The following SMC2 variants were observed in gnomAD, a reference collection of about 807,000 sequenced individuals.
The protein encoded by SMC2 is structural maintenance of chromosomes protein 2.
A neutral mutation model predicts 142.6 loss-of-function variants in SMC2; 41 were observed. That is an observed-to-expected ratio of 0.29 (90% confidence interval 0.22 to 0.37). The LOEUF is 0.37. Ranked by LOEUF, SMC2 falls within the 10% of genes least tolerant of loss-of-function variation. The pLI is 1.00. For synonymous variants in SMC2, 463 were observed against 457.5 expected (o/e 1.01, Z -0.15); for missense variants, 1,265 against 1,373.7 (o/e 0.92, Z 1.25).
chr9:104,115,924 T>A (rs1026171876), intron 13 of SMC2, among the ~76,000 whole-genome samples: 7 of 152,030 alleles, frequency 4.6e-5, no homozygotes, highest in African/African-American at 7.2e-5. Flanking sequence ...CTTTTTTTTT[T>A]AAAAGATTCC....
At chr9:104,125,309 A>G (rs1834145523) in intron 18 of SMC2, among the ~76,000 whole-genome samples, 1 of 152,066 alleles carries the variant, frequency 6.6e-6, no homozygotes, top group Admixed American at 6.5e-5. Context: ...CAAATTAGAA[A>G]CTTTTTGAGT....
intron 23 of SMC2, among the ~76,000 whole-genome samples, chr9:104,135,296 C>T (rs1204145269): frequency 6.6e-6 from 1 of 151,774 alleles, no homozygotes; most frequent in African/African-American, 2.4e-5. Context: ...ATTAAGTGAA[C>T]TTTCTAGAGA....
chr9:104,102,311 A>G lies in SMC2; in HGVS notation c.871-113A>G, dbSNP rs1014467408. On this transcript the variant is annotated intron_variant, in intron 8 of 24. Coordinates refer to ENST00000374793, the MANE Select transcript of SMC2 (RefSeq NM_006444.3). ...TTCCGTATTGATTTGTTAATCTTATAGTAAGATAATGAAATAACTTATAAA... is the reference window on the plus strand; with the variant it reads ...TTCCGTATTGATTTGTTAATCTTATGGTAAGATAATGAAATAACTTATAAA... The G allele has an allele frequency of 3.6e-6, 4 of 1,113,128 alleles. No homozygotes were observed. The African/African-American group carries it at 6.4e-5, about 18-fold the overall frequency. The allele number at this position is 1,113,128 out of a possible 1,614,324, so 69.0% of individuals were successfully genotyped here. A position where few individuals can be genotyped will look rare whatever the true frequency, so the allele number is the denominator to read the frequency against.
intron 17 of SMC2, among the ~76,000 whole-genome samples, 198 bp from the exon 18 acceptor site, chr9:104,124,714 T>C (rs991336436): frequency 6.6e-6 from 1 of 152,188 alleles, no homozygotes; most frequent in African/African-American, 2.4e-5. Flanking sequence ...ATTATTTTGT[T>C]ACAGATCTTT....
At chr9:104,097,389 A>G (rs2131286205) in intron 3 of SMC2, among the ~76,000 whole-genome samples, 1 of 147,028 alleles carries the variant, frequency 6.8e-6, no homozygotes, top group East Asian at 1.9e-4. Flanking sequence ...TACAGGTGTG[A>G]GCCACGGCGC....
chr9:104,107,528 T>C lies in SMC2; in HGVS notation c.1021-4053T>C, dbSNP rs574234543. On this transcript the variant is annotated intron_variant, in intron 9 of 24. Transcript: ENST00000374793. ...GGCCTGCTACTGCAAAGTCCGCTGT[T>C]CAAAGTTGGCAGCTTTGTTGGTCAC... Among the ~76,000 whole-genome samples the C allele has an allele frequency of 1.7e-4, 26 of 151,072 alleles. No individual in the cohort carries two copies. The South Asian group carries it at 5.4e-3, about 31-fold the overall frequency.
intron 11 of SMC2, among the ~76,000 whole-genome samples, chr9:104,113,729 C>T (rs1330709512): frequency 1.3e-5 from 2 of 152,094 alleles, no homozygotes; most frequent in Admixed American, 1.3e-4. Context: ...TGTATTTCTA[C>T]ATTAGGCATT....
intron 23 of SMC2, among the ~76,000 whole-genome samples, chr9:104,137,407 G>A (rs180840063): frequency 6.6e-6 from 1 of 152,228 alleles, no homozygotes; most frequent in Non-Finnish European, 1.5e-5. Context: ...AAATAGTGCT[G>A]TGGAACCTGA....
chr9:104,111,783 A>G lies in SMC2; in HGVS notation c.1223A>G (p.Asp408Gly). ...GGTCAAATGATGGCCTGTAAAAATGATATAAGTAAAGCTCAGACAGAAGCC... is the reference window on the plus strand; with the variant it reads ...GGTCAAATGATGGCCTGTAAAAATGGTATAAGTAAAGCTCAGACAGAAGCC... The part of the protein sequence containing the change: ...LAGQMMACKN[D>G]ISKAQTEAKQ... Residue 408 changes from aspartate (D) to glycine (G), a missense_variant, in exon 10 of 25, where the codon GAT becomes GGT. By Grantham distance (94) the Asp-to-Gly change is moderately conservative. Around this residue, in one of 4 missense-constraint regions of SMC2, gnomAD observed 898 missense variants for 904.2 expected, o/e 0.99. Transcript: ENST00000374793. 2.5e-6 allele frequency: 4 copies of G among 1,613,856 alleles called. No individual in the cohort carries two copies. Among genetic ancestry groups the G allele is most frequent in the Non-Finnish European group, 3.4e-6 (4 of 1,179,816 alleles).
chr9:104,139,310 G>GT lies in SMC2; in HGVS notation c.3592dup (p.Ter1198LeufsTer10). ...ACCACCCAAAGGAGCACATGTGGAA[G>GT]TTTAAACTACAAAGTTATTTCTTCA... On this transcript the variant is annotated frameshift_variant, in exon 25 of 25. Transcript: ENST00000374793. LOFTEE classifies it high-confidence loss of function. 1 of 1,574,596 alleles carries GT rather than the reference G, an allele frequency of 6.4e-7. No homozygotes were observed. The highest frequency in any genetic ancestry group is 8.6e-7 in the Non-Finnish European group (1 of 1,167,946).
At chr9:104,098,838 A>T (rs556905358) in intron 4 of SMC2, among the ~76,000 whole-genome samples, 63 of 30,188 alleles carry the variant, frequency 2.1e-3, no homozygotes, top group African/African-American at 0.013. Context: ...TGTTAACTGT[A>T]AAAAAAAAAA....
At chr9:104,112,536 CTT>C (rs72438227) in intron 10 of SMC2, among the ~76,000 whole-genome samples, 9,166 of 152,134 alleles carry the variant, frequency 0.06, 730 homozygotes, top group African/African-American at 0.19. Flanking sequence ...AGGTTTTTCT[CTT>C]TATATATTTG....
intron 23 of SMC2, among the ~76,000 whole-genome samples, chr9:104,135,649 T>G (rs1232140309): frequency 6.6e-6 from 1 of 152,066 alleles, no homozygotes; most frequent in Non-Finnish European, 1.5e-5. Flanking sequence ...ATAAAACTGC[T>G]GAAAACCAGT....
Position 104,132,122 on chromosome 9 carries a change from A to G in SMC2, c.3105A>G (p.Gln1035=), listed in dbSNP as rs764034175. The G allele has an allele frequency of 1.3e-6, 2 of 1,489,898 alleles. No homozygotes were observed. Among genetic ancestry groups the G allele is most frequent in the South Asian group, 2.4e-5 (2 of 84,572 alleles). 92.3% of individuals were successfully genotyped at this position (1,489,898 alleles called of 1,614,324 possible). ...KKNQALNIAW[Q]KVNKDFGSIF... ...ACCAAGCCCTAAATATTGCATGGCA[A>G]AAGGTACTTTTTATGTTTGTTTTAT... The change falls in exon 22 of 25, where the codon CAA becomes CAG. Residue 1035 remains glutamine, a synonymous_variant. Transcript: ENST00000374793.
In SMC2 at chr9:104,123,154, G is replaced by C. The variant is rs774719559; in HGVS notation, c.2179G>C (p.Asp727His). Residue 727 changes from aspartate to histidine, a missense_variant, in exon 17 of 25, where the codon GAT (aspartate) becomes CAT (histidine). By Grantham distance (81) the Asp-to-His change is moderately conservative. Around this residue, in one of 4 missense-constraint regions of SMC2, gnomAD observed 898 missense variants for 904.2 expected, o/e 0.99. Coordinates refer to ENST00000374793, the MANE Select transcript of SMC2 (RefSeq NM_006444.3). ...GTGGGAGATGAAAACTGAAGAGGCA[G>C]ATTTATTACAAACCAAGCTCCAGCA... is the stretch of plus-strand genomic sequence containing the variant. ...QQWEMKTEEA[D>H]LLQTKLQQSS... 5.0e-6 allele frequency: 8 copies of C among 1,611,302 alleles called. No individual in the cohort carries two copies. Among genetic ancestry groups the C allele is most frequent in the Non-Finnish European group, 2.5e-6 (3 of 1,178,734 alleles).
chr9:104,108,706 C>T (rs1455805620), intron 9 of SMC2, among the ~76,000 whole-genome samples: 1 of 152,134 alleles, frequency 6.6e-6, no homozygotes, highest in Admixed American at 6.5e-5. Context: ...TAGAACTCAC[C>T]CATACAGCAC....
rs142619238 is a variant in SMC2 at position 104,138,073 on chromosome 9, A to G, written c.3325A>G (p.Ile1109Val). ...CATGCTTCTCTTCAAACCTGCTCCA[A>G]TTTATATCCTTGATGAGGTAGATGC... ...LSMLLFKPAP[I>V]YILDEVDAAL... Residue 1109 changes from isoleucine (I) to valine (V), a missense_variant, in exon 24 of 25, where the codon ATT becomes GTT. This residue lies in a region of SMC2 where 192 missense variants were observed against 261.9 expected (regional missense o/e 0.73). Coordinates refer to ENST00000374793, the MANE Select transcript of SMC2 (RefSeq NM_006444.3). 8.1e-6 allele frequency: 13 copies of G among 1,610,722 alleles called. No homozygotes were observed. Among genetic ancestry groups the G allele is most frequent in the Admixed American group, 5.0e-5 (3 of 59,908 alleles).
Position 104,138,031 on chromosome 9 carries a change from T to C in SMC2, c.3283T>C (p.Leu1095=). Residue 1095 remains leucine, a synonymous_variant, in exon 24 of 25, where the codon TTG becomes CTG. Coordinates refer to ENST00000374793, the MANE Select transcript of SMC2 (RefSeq NM_006444.3). ...LSGGQRSLVA[L]SLILSMLLFK... is the part of the protein sequence containing the mutation. ...ACCTTTTCTTAGGTCTTTAGTGGCC[T>C]TGTCATTAATACTGTCCATGCTTCT... 6.3e-7 allele frequency: 1 copy of C among 1,583,838 alleles called. No individual in the cohort carries two copies. The highest frequency in any genetic ancestry group is 8.6e-7 in the Non-Finnish European group (1 of 1,162,062).
At chr9:104,093,652 T>C (rs1364254728), upstream of SMC2, among the ~76,000 whole-genome samples, 1 of 152,138 alleles carries the variant, frequency 6.6e-6, no homozygotes, top group Non-Finnish European at 1.5e-5. Context: ...TGAATAGCTA[T>C]TTAGCACCAC....
Sources: gnomAD v4.1 joint callset for allele counts (sites outside exome capture counted in the v4.1 genomes callset) on GRCh38, gnomAD v4.1.1 for gene constraint, gnomAD v4.1.1 regional missense constraint, MANE v1.5 for transcripts, NCBI Gene and HGNC (gene_info 2026-07-23, HGNC 2026-07-21) for gene names.